STX8: variants seen among roughly 807,000 people sequenced by gnomAD.
The protein encoded by STX8 is syntaxin 8.
Under a neutral mutation model 37.5 loss-of-function variants are expected in STX8, and 23 were observed. The ratio of observed to expected loss-of-function variants is 0.61; its 90% confidence interval spans 0.44 to 0.87. STX8 has a LOEUF of 0.87. Among genes scored for constraint, STX8 ranks in the 40% least tolerant of loss-of-function variants. STX8 has a pLI of 0.00. For synonymous variants in STX8, 115 were observed against 99.1 expected (o/e 1.16, Z -0.95); for missense variants, 313 against 284.7 (o/e 1.10, Z -0.71).
Position 9,507,578 on chromosome 17 carries a change from C to G in STX8, c.324-2416G>C, listed in dbSNP as rs1022578848. On this transcript the variant is annotated intron_variant, in intron 4 of 7. Transcript: ENST00000306357. The surrounding 1 kb of genome is among the most constrained non-coding windows in gnomAD (Gnocchi z 4.0). The stretch of plus-strand genomic sequence containing the variant: ...CCTGAGAAACAGCCCAACAGGCCAC[C>G]TCTGGCAGGCATACTCCCAGACTGG... Among the ~76,000 whole-genome samples, 1 of 152,210 alleles carries G rather than the reference C, an allele frequency of 6.6e-6. No individual in the cohort carries two copies. The highest frequency in any genetic ancestry group is 1.5e-5 in the Non-Finnish European group (1 of 68,038).
chr17:9,523,408 A>ACT (rs879856100), intron 4 of STX8, among the ~76,000 whole-genome samples: 3 of 151,838 alleles, frequency 2.0e-5, no homozygotes, highest in Non-Finnish European at 2.9e-5. Flanking sequence ...ACACACACAT[A>ACT]TATATATTTA....
intron 7 of STX8, among the ~76,000 whole-genome samples, chr17:9,320,544 G>A (rs982610595): frequency 1.3e-5 from 2 of 151,858 alleles, no homozygotes; most frequent in Non-Finnish European, 2.9e-5. Flanking sequence ...ATAATAATAT[G>A]AAAGTTATTT....
At chr17:9,267,492 C>G (rs545332895) in intron 7 of STX8, among the ~76,000 whole-genome samples, 1 of 152,198 alleles carries the variant, frequency 6.6e-6, no homozygotes, top group African/African-American at 2.4e-5. Context: ...TTGTGTGACA[C>G]CACAGCACGA....
At chr17:9,313,755 T>C (rs1020698567) in intron 7 of STX8, among the ~76,000 whole-genome samples, 1 of 152,174 alleles carries the variant, frequency 6.6e-6, no homozygotes, top group African/African-American at 2.4e-5. Flanking sequence ...CTCAGCCTCC[T>C]GAGTAGCTGG....
chr17:9,317,779 A>AG (rs950598512), intron 7 of STX8, among the ~76,000 whole-genome samples: 102 of 151,972 alleles, frequency 6.7e-4, no homozygotes, highest in Non-Finnish European at 1.3e-3. Context: ...AAGAAAAAAA[A>AG]AAAAAAAAAG....
intron 7 of STX8, among the ~76,000 whole-genome samples, chr17:9,302,178 A>T (rs1908811073): frequency 6.6e-6 from 1 of 152,152 alleles, no homozygotes; most frequent in African/African-American, 2.4e-5. Flanking sequence ...GTTTTCTAGA[A>T]GATCATTGAA....
At chr17:9,543,950 A>G (rs1906389148) in intron 4 of STX8, among the ~76,000 whole-genome samples, 1 of 152,032 alleles carries the variant, frequency 6.6e-6, no homozygotes, top group Admixed American at 6.6e-5. Flanking sequence ...AATCAGTTTC[A>G]TTTTCTTCAG....
chr17:9,490,454 C>A (rs1047411835), intron 6 of STX8, among the ~76,000 whole-genome samples: 1 of 152,186 alleles, frequency 6.6e-6, no homozygotes, highest in Non-Finnish European at 1.5e-5. Flanking sequence ...TCACCACAAC[C>A]TCCGCCTCCT....
At chr17:9,381,264 C>T (rs1318659520) in intron 6 of STX8, among the ~76,000 whole-genome samples, 3 of 151,272 alleles carry the variant, frequency 2.0e-5, no homozygotes, top group African/African-American at 4.9e-5. Context: ...TTTTTCCTCC[C>T]TCCTTCTCCC....
intron 7 of STX8, among the ~76,000 whole-genome samples, chr17:9,296,212 G>GGC: frequency 1.3e-5 from 2 of 152,098 alleles, no homozygotes; most frequent in South Asian, 4.2e-4. Flanking sequence ...CAGGCATGGT[G>GGC]GTGCATGCCT....
intron 6 of STX8, among the ~76,000 whole-genome samples, chr17:9,441,625 C>T (rs1181568904): frequency 6.6e-6 from 1 of 151,560 alleles, no homozygotes; most frequent in Non-Finnish European, 1.5e-5. Flanking sequence ...CCCCAAGGCG[C>T]TGCCCTAAGA....
intron 2 of STX8, among the ~76,000 whole-genome samples, chr17:9,559,760 A>ATTTTTTTTTTT (rs60856219): frequency 1.2e-4 from 3 of 24,492 alleles, no homozygotes; most frequent in African/African-American, 5.7e-4. Context: ...ATATATATAT[A>ATTTTTTTTTTT]TTTTTTTTTT....
chr17:9,381,197 C>G (rs1175926938), intron 6 of STX8, among the ~76,000 whole-genome samples: 1 of 151,964 alleles, frequency 6.6e-6, no homozygotes. Flanking sequence ...ACACATTTCT[C>G]AGAACATATC....
In STX8 at chr17:9,319,719, G is replaced by A. The variant is rs375148872; in HGVS notation, c.643+58833C>T. On this transcript the variant is annotated intron_variant, in intron 7 of 7. Coordinates refer to ENST00000306357, the MANE Select transcript of STX8 (RefSeq NM_004853.3). ...TGTAATCCCAGCACTTTGGGAGGCC[G>A]AGGTGGGTAGATCACGAGGTCAGGA... Among the ~76,000 whole-genome samples the A allele has an allele frequency of 5.3e-5, 8 of 152,172 alleles. No individual in the cohort carries two copies. The East Asian group carries it at 5.8e-4, about 11-fold the overall frequency.
At chr17:9,483,503 G>T (rs368957315) in intron 6 of STX8, among the ~76,000 whole-genome samples, 3 of 152,248 alleles carry the variant, frequency 2.0e-5, no homozygotes, top group African/African-American at 7.2e-5. Flanking sequence ...CAGGGATCGG[G>T]ACTAGGATAT....
chr17:9,535,834 C>T (rs916429975), intron 4 of STX8, among the ~76,000 whole-genome samples: 23 of 152,100 alleles, frequency 1.5e-4, no homozygotes, highest in African/African-American at 5.1e-4. Context: ...AAACAATACT[C>T]GCATATATAT....
intron 6 of STX8, among the ~76,000 whole-genome samples, chr17:9,390,377 C>G (rs1015419068): frequency 1.3e-5 from 2 of 151,602 alleles, no homozygotes; most frequent in East Asian, 3.9e-4. Flanking sequence ...CAAAAATTAC[C>G]TGGGCGTGGT....
chr17:9,493,442 C>A (rs1906943313), intron 5 of STX8, among the ~76,000 whole-genome samples: 1 of 152,188 alleles, frequency 6.6e-6, no homozygotes, highest in African/African-American at 2.4e-5. Context: ...GCCAGCAATA[C>A]CCAGAACCAG....
intron 6 of STX8, among the ~76,000 whole-genome samples, chr17:9,397,015 G>A (rs1025606400): frequency 1.3e-5 from 2 of 152,238 alleles, no homozygotes; most frequent in Admixed American, 6.5e-5. Context: ...TTGCACATAA[G>A]CCCTGAATTC....
Sources: gnomAD v4.1 joint callset for allele counts (sites outside exome capture counted in the v4.1 genomes callset) on GRCh38, gnomAD v4.1.1 for gene constraint, Gnocchi (gnomAD v3.1) non-coding constraint, MANE v1.5 for transcripts, NCBI Gene and HGNC (gene_info 2026-07-23, HGNC 2026-07-21) for gene names.